SLA: variants seen among roughly 807,000 people sequenced by gnomAD.
SLA encodes Src like adaptor.
A neutral mutation model predicts 30.3 loss-of-function variants in SLA; 16 were observed. The observed-to-expected ratio is 0.53, with a 90% confidence interval of 0.36 to 0.80. SLA has a LOEUF of 0.80. Among genes scored for constraint, SLA ranks in the 30% least tolerant of loss-of-function variants. The pLI is 0.01. For missense variants in SLA, 310 were observed against 345.2 expected (o/e 0.90, Z 0.81); for synonymous variants, 143 against 137.8 (o/e 1.04, Z -0.26).
chr8:133,073,680 T>C (rs1027912671), intron 2 of SLA, among the ~76,000 whole-genome samples: 1 of 152,122 alleles, frequency 6.6e-6, no homozygotes, highest in African/African-American at 2.4e-5. Context: ...AACCACACAA[T>C]GACAATTTAA....
chr8:133,102,319 G>A (rs1849360312), intron 1 of SLA: 1 of 469,880 alleles, frequency 2.1e-6, no homozygotes, highest in Non-Finnish European at 3.8e-6. Flanking sequence ...ACAAACACAT[G>A]CAGTGCAGCT....
chr8:133,071,653 T>G (rs1587989920), intron 2 of SLA, among the ~76,000 whole-genome samples: 3 of 148,492 alleles, frequency 2.0e-5, no homozygotes, highest in African/African-American at 5.0e-5. Flanking sequence ...AGGGGAGGAG[T>G]GGGGGGAGGA....
intron 3 of SLA, chr8:133,059,245 C>A: frequency 4.8e-6 from 2 of 420,436 alleles, no homozygotes. Flanking sequence ...AGGTGGGAAG[C>A]AGAAGTGTTC....
chr8:133,038,535 A>G lies in SLA; in HGVS notation c.820T>C (p.Phe274Leu). 1 of 1,611,788 alleles carries G rather than the reference A, an allele frequency of 6.2e-7. No individual in the cohort carries two copies. Among genetic ancestry groups the G allele is most frequent in the Non-Finnish European group, 8.5e-7 (1 of 1,177,806 alleles). ...GTGTCTGTTCTTGGCTAGTCCTCAAAGTAAGGTGGTGATGAGAAGAATGAG... is the reference window on the plus strand; with the variant it reads ...GTGTCTGTTCTTGGCTAGTCCTCAAGGTAAGGTGGTGATGAGAAGAATGAG... Reference protein sequence around the residue: ...KSSFFSSPPYFED With the variant: ...KSSFFSSPPYLED Residue 274 changes from phenylalanine to leucine, a missense_variant, in exon 9 of 9, where the codon TTT becomes CTT. Physicochemically the swap from Phe to Leu is conservative, Grantham distance 22. Transcript: ENST00000338087.
Position 133,060,318 on chromosome 8 carries a change from C to T in SLA, c.-40-118G>A, listed in dbSNP as rs766116939. The T allele has an allele frequency of 9.7e-5, 151 of 1,558,258 alleles. 1 individual carries two copies. The South Asian group carries it at 1.4e-3, about 15-fold the overall frequency. ...TTCTGGCAGCTTGCTTCTTGAAAGG[C>T]GGCTGTTTATATGTGAAGATGAGAT... On this transcript the variant is annotated intron_variant, in intron 2 of 8. Coordinates refer to ENST00000338087, the MANE Select transcript of SLA (RefSeq NM_001045556.3).
intron 1 of SLA, among the ~76,000 whole-genome samples, chr8:133,098,262 T>G (rs1848730886): frequency 6.6e-6 from 1 of 152,196 alleles, no homozygotes; most frequent in Non-Finnish European, 1.5e-5. Flanking sequence ...AATAGTAAGT[T>G]TAGTTATTTA....
chr8:133,039,338 G>A lies in SLA; in HGVS notation c.618-601C>T, dbSNP rs138130212. ...TGAACTGCTCTTTTCTTGGATGGCT[G>A]ACACTTCCAGCTGTAAATTTTAGTA... On this transcript the variant is annotated intron_variant, in intron 8 of 8. Coordinates refer to ENST00000338087, the MANE Select transcript of SLA (RefSeq NM_001045556.3). Among the ~76,000 whole-genome samples, 658 of 152,154 alleles carry A rather than the reference G, an allele frequency of 4.3e-3. 9 individuals are homozygous for A. Among genetic ancestry groups the A allele is most frequent in the African/African-American group, 0.015 (627 of 41,518 alleles).
intron 1 of SLA, among the ~76,000 whole-genome samples, chr8:133,097,556 A>T (rs1456402477): frequency 1.3e-5 from 2 of 152,232 alleles, no homozygotes; most frequent in Admixed American, 6.5e-5. Flanking sequence ...AATGACAAAA[A>T]ACATGTAGAG....
intron 2 of SLA, among the ~76,000 whole-genome samples, chr8:133,062,627 G>A (rs1341650141): frequency 6.6e-6 from 1 of 152,192 alleles, no homozygotes; most frequent in Non-Finnish European, 1.5e-5. Flanking sequence ...GCGCTGTCCT[G>A]CACAGGCCTC....
chr8:133,097,417 A>T (rs1456859482), intron 1 of SLA, among the ~76,000 whole-genome samples: 1 of 152,230 alleles, frequency 6.6e-6, no homozygotes, highest in African/African-American at 2.4e-5. Flanking sequence ...AGCAACTCAA[A>T]TGTCCATTAA....
intron 1 of SLA, among the ~76,000 whole-genome samples, chr8:133,097,593 AT>A (rs1012591905): frequency 6.6e-6 from 1 of 152,244 alleles, no homozygotes; most frequent in Non-Finnish European, 1.5e-5. Context: ...TAGCATTCAT[AT>A]TTTTAAAAAC....
At chr8:133,087,637 G>A (rs1443534433) in intron 1 of SLA, 3 of 152,234 alleles carry the variant, frequency 2.0e-5, no homozygotes, top group Non-Finnish European at 4.4e-5. Context: ...AATTAAAAAT[G>A]TAACATTAAT....
intron 3 of SLA, chr8:133,059,234 A>G: frequency 9.2e-6 from 4 of 436,078 alleles, no homozygotes; most frequent in Non-Finnish European, 1.4e-5. Flanking sequence ...GCTACCATGT[A>G]AGGTGGGAAG....
At chr8:133,047,777 C>G (rs770782311) in intron 6 of SLA, 53 bp downstream of exon 6, 5 of 1,018,392 alleles carry the variant, frequency 4.9e-6, no homozygotes, top group Non-Finnish European at 7.9e-6. Flanking sequence ...CAGCCAGGAG[C>G]AAAACATGCT....
intron 1 of SLA, among the ~76,000 whole-genome samples, chr8:133,088,238 G>A (rs1173821046): frequency 1.3e-5 from 2 of 151,198 alleles, no homozygotes; most frequent in Non-Finnish European, 3.0e-5. Context: ...TGTGATGGAG[G>A]AGCCAGGCTC....
Position 133,042,678 on chromosome 8 carries a change from CTTTTTTTTTTTTTT to C in SLA, c.484+2292_484+2305del, listed in dbSNP as rs58739514. 6.2e-4 allele frequency among the ~76,000 whole-genome samples: 35 copies of C among 56,732 alleles called. 2 individuals carry two copies. Among genetic ancestry groups the C allele is most frequent in the African/African-American group, 1.7e-3 (25 of 14,466 alleles). 37.2% of individuals were successfully genotyped at this position (56,732 alleles called of 152,430 possible). A position where few individuals can be genotyped will look rare whatever the true frequency, so the allele number is the denominator to read the frequency against. On this transcript the variant is annotated intron_variant, in intron 7 of 8. Transcript: ENST00000338087. ...GTGCACAATTCCTCTCATTCTGTGT[CTTTTTTTTTTTTTT>C]TTTTTTTTTTTTTTTTTGTGAGATG...
In SLA at chr8:133,049,982, C is replaced by G. The variant is rs1300492112; in HGVS notation, c.168G>C (p.Gly56=). 6.2e-7 allele frequency: 1 copy of G among 1,610,564 alleles called. No individual in the cohort carries two copies. Among genetic ancestry groups the G allele is most frequent in the Non-Finnish European group, 8.5e-7 (1 of 1,176,740 alleles). ...GEKLRVISDE[G]GWWKAISLST... The stretch of plus-strand genomic sequence containing the variant: ...TAAGAGAAATAGCTTTCCACCAGCC[C>G]CCTTCACTGTAAGAACAAGAACAGA... The change falls in exon 5 of 9, where the codon GGG becomes GGC. Residue 56 remains glycine (G), a synonymous_variant. Coordinates refer to ENST00000338087, the MANE Select transcript of SLA (RefSeq NM_001045556.3).
rs1435246337 is a variant in SLA, at chr8:133,075,087, C to T, written c.-275G>A. ...CACAGGGCTTGCAGAAGGGCAGGTT[C>T]CTGTTTTCAGTAACCACTCTGAGCA... is the stretch of plus-strand genomic sequence containing the variant. On this transcript the variant is annotated 5_prime_UTR_variant, in exon 2 of 9. Coordinates refer to ENST00000338087, the MANE Select transcript of SLA (RefSeq NM_001045556.3). 1 of 985,290 alleles carries T rather than the reference C, an allele frequency of 1.0e-6. No homozygotes were observed. Among genetic ancestry groups the T allele is most frequent in the Non-Finnish European group, 1.2e-6 (1 of 829,922 alleles). 61.0% of individuals were successfully genotyped at this position (985,290 alleles called of 1,614,324 possible).
At chr8:133,071,123 T>C (rs1048516955) in intron 2 of SLA, among the ~76,000 whole-genome samples, 3 of 152,152 alleles carry the variant, frequency 2.0e-5, no homozygotes, top group Non-Finnish European at 4.4e-5. Context: ...GTGCCGTCCC[T>C]TGATGAGGCT....
Sources: gnomAD v4.1 joint callset for allele counts (sites outside exome capture counted in the v4.1 genomes callset) on GRCh38, gnomAD v4.1.1 for gene constraint, MANE v1.5 for transcripts, NCBI Gene and HGNC (gene_info 2026-07-23, HGNC 2026-07-21) for gene names.